Variants in GALNT10 observed in about 807,000 individuals in gnomAD.
The protein encoded by GALNT10 is GalNAc transferase 10.
GALNT10 carries 41 observed loss-of-function variants against 75.0 expected under a neutral mutation model. The ratio of observed to expected loss-of-function variants is 0.55; its 90% CI spans 0.43 to 0.71. The LOEUF is 0.71. Among genes scored for constraint, GALNT10 ranks in the 30% least tolerant of loss-of-function variants. The pLI, the probability that GALNT10 is intolerant of heterozygous loss-of-function variation, is 0.00. For synonymous variants in GALNT10, 302 were observed against 313.0 expected, an observed-to-expected ratio of 0.96 and a Z score of 0.37; for missense variants, 727 against 818.5, an observed-to-expected ratio of 0.89 and a Z score of 1.36.
chr5:154,303,672 C>G (rs1243404312), intron 3 of GALNT10, among the ~76,000 whole-genome samples: 1 of 152,176 alleles, frequency 6.6e-6, no homozygotes, highest in Non-Finnish European at 1.5e-5. Context: ...AAACAGTGCT[C>G]TGGACCAGTC....
intron 1 of GALNT10, among the ~76,000 whole-genome samples, chr5:154,222,719 A>T (rs1343857200): frequency 6.6e-6 from 1 of 152,214 alleles, no homozygotes; most frequent in Non-Finnish European, 1.5e-5. Context: ...CATGAAGAGC[A>T]TCTCTTCATG....
intron 1 of GALNT10, among the ~76,000 whole-genome samples, chr5:154,278,152 A>G (rs2443527): frequency 0.091 from 13,855 of 152,256 alleles, 741 homozygotes; most frequent in African/African-American, 0.16. Context: ...TTAGTATGTC[A>G]GTTTGAAATC....
intron 1 of GALNT10, among the ~76,000 whole-genome samples, chr5:154,239,262 C>T (rs918865456): frequency 6.6e-6 from 1 of 152,232 alleles, no homozygotes; most frequent in African/African-American, 2.4e-5. Context: ...GGTTCTCTCG[C>T]CTCCCTTCTG....
At chr5:154,308,154 A>C (rs1416472091) in intron 3 of GALNT10, among the ~76,000 whole-genome samples, 1 of 151,638 alleles carries the variant, frequency 6.6e-6, no homozygotes, top group Non-Finnish European at 1.5e-5. Context: ...TATTGTTTAA[A>C]TCTTTTAAAA....
At chr5:154,353,059 C>T (rs990397942) in intron 4 of GALNT10, among the ~76,000 whole-genome samples, 3 of 152,148 alleles carry the variant, frequency 2.0e-5, no homozygotes, top group African/African-American at 7.2e-5. Flanking sequence ...GTCCAGGGCA[C>T]GGATGAGGCC....
chr5:154,293,633 C>T (rs931576174), intron 1 of GALNT10, among the ~76,000 whole-genome samples: 1 of 129,020 alleles, frequency 7.8e-6, no homozygotes, highest in Non-Finnish European at 1.7e-5. Flanking sequence ...TCCTTTCAGC[C>T]ATTCAATTGC....
At chr5:154,244,484 T>C (rs1159361417) in intron 1 of GALNT10, among the ~76,000 whole-genome samples, 2 of 152,076 alleles carry the variant, frequency 1.3e-5, no homozygotes, top group African/African-American at 2.4e-5. Context: ...TATGAAAGGC[T>C]TTTTTGGGGG....
intron 4 of GALNT10, chr5:154,338,181 C>T (rs564787514): frequency 6.5e-6 from 5 of 775,026 alleles, no homozygotes; most frequent in African/African-American, 3.4e-5. Context: ...GGTTCTGCAA[C>T]TCTTCCATCC....
intron 1 of GALNT10, among the ~76,000 whole-genome samples, chr5:154,274,889 A>C (rs551390130): frequency 6.6e-6 from 1 of 152,136 alleles, no homozygotes; most frequent in Non-Finnish European, 1.5e-5. Flanking sequence ...TCACATGGGC[A>C]TGCATGCACT....
intron 4 of GALNT10, among the ~76,000 whole-genome samples, chr5:154,364,397 C>T (rs1755443707): frequency 6.6e-6 from 1 of 152,136 alleles, no homozygotes; most frequent in African/African-American, 2.4e-5. Context: ...TCAGATTAGT[C>T]TCTGGTAGGG....
intron 3 of GALNT10, among the ~76,000 whole-genome samples, chr5:154,308,018 A>ATTTGT (rs1315024038): frequency 2.1e-5 from 3 of 145,888 alleles, no homozygotes; most frequent in South Asian, 4.5e-4. Context: ...TTATTCACAA[A>ATTTGT]GAATAAAGAT....
At chr5:154,240,131 T>TA (rs1442928651) in intron 1 of GALNT10, among the ~76,000 whole-genome samples, 1 of 152,344 alleles carries the variant, frequency 6.6e-6, no homozygotes, top group East Asian at 1.9e-4. Flanking sequence ...GGCTTACACT[T>TA]ACCATACATC....
At chr5:154,308,486 G>A (rs1754466399) in intron 3 of GALNT10, among the ~76,000 whole-genome samples, 2 of 152,168 alleles carry the variant, frequency 1.3e-5, no homozygotes, top group South Asian at 2.1e-4. Context: ...GGGCAGGGAT[G>A]TAACAAGAAT....
At chr5:154,329,971 A>AAAAAAAC (rs1554098974) in intron 4 of GALNT10, 17 of 366,906 alleles carry the variant, frequency 4.6e-5, no homozygotes, top group Non-Finnish European at 7.9e-5. Flanking sequence ...CAAAAAAAAA[A>AAAAAAAC]AAAAAACAGA....
chr5:154,370,462 T>C (rs1479904233), intron 4 of GALNT10, among the ~76,000 whole-genome samples: 1 of 152,086 alleles, frequency 6.6e-6, no homozygotes, highest in African/African-American at 2.4e-5. Flanking sequence ...AGGAGTTGAA[T>C]TGGCACTGGG....
intron 4 of GALNT10, among the ~76,000 whole-genome samples, chr5:154,368,660 T>C (rs1235820250): frequency 6.6e-6 from 1 of 152,244 alleles, no homozygotes; most frequent in African/African-American, 2.4e-5. Context: ...AGAAAAAGTA[T>C]GTCTTTCCTG....
chr5:154,191,162 G>A (rs1774853314), intron 1 of GALNT10, 137 bp downstream of exon 1: 1 of 607,624 alleles, frequency 1.6e-6, no homozygotes, highest in Non-Finnish European at 2.5e-6. Flanking sequence ...CCATTTTCCG[G>A]ATGGGAAAAT....
At chr5:154,295,038 G>A (rs1754253501) in intron 2 of GALNT10, 120 bp downstream of exon 2, 4 of 509,228 alleles carry the variant, frequency 7.9e-6, no homozygotes, top group Non-Finnish European at 1.1e-5. Flanking sequence ...GGGGTGTCTG[G>A]ACCTCCTGTT....
At chr5:154,254,175 G>C (rs1319380334) in intron 1 of GALNT10, among the ~76,000 whole-genome samples, 1 of 152,172 alleles carries the variant, frequency 6.6e-6, no homozygotes, top group African/African-American at 2.4e-5. Flanking sequence ...GTAGTGGTTT[G>C]CTCTCACCCA....
Sources: allele counts gnomAD v4.1 joint callset (sites outside exome capture counted in the v4.1 genomes callset), GRCh38; gene constraint gnomAD v4.1.1; transcripts MANE v1.5; gene names NCBI Gene and HGNC (gene_info 2026-07-23, HGNC 2026-07-21).